RNF8: variants seen among roughly 807,000 people sequenced by gnomAD.
RNF8 encodes the protein E3 ubiquitin-protein ligase RNF8.
A neutral mutation model predicts 59.3 loss-of-function variants in RNF8; 8 were observed. That is an observed-to-expected ratio of 0.13 (90% CI 0.08 to 0.24). The LOEUF is 0.24. Ranked by LOEUF, RNF8 falls within the 10% of genes least tolerant of loss-of-function variation. RNF8 has a pLI of 1.00. For synonymous variants in RNF8, 162 were observed against 200.0 expected (o/e 0.81, Z 1.60); for missense variants, 406 against 572.6 (o/e 0.71, Z 2.97).
At chr6:37,369,254 A>G in intron 3 of RNF8, 36 bp downstream of exon 3, 2 of 1,548,796 alleles carry the variant, frequency 1.3e-6, no homozygotes, top group East Asian at 2.3e-5. Flanking sequence ...AGTGGTCTTC[A>G]GGGGTGGGGC....
chr6:37,365,849 T>G (rs752571995), intron 2 of RNF8, among the ~76,000 whole-genome samples: 4 of 152,186 alleles, frequency 2.6e-5, no homozygotes, highest in Non-Finnish European at 4.4e-5. Flanking sequence ...TGGCAGTACT[T>G]GATTGTTCTG....
At chr6:37,371,697 C>T in intron 4 of RNF8, 123 bp downstream of exon 4, 1 of 700,090 alleles carries the variant, frequency 1.4e-6, no homozygotes, top group Non-Finnish European at 2.5e-6. Context: ...AGTCTGTAAA[C>T]AGAGCAGGTG....
At chr6:37,380,833 C>G (rs1159058974) in intron 6 of RNF8, among the ~76,000 whole-genome samples, 2 of 151,988 alleles carry the variant, frequency 1.3e-5, no homozygotes, top group African/African-American at 4.8e-5. Context: ...CAGGTGTGCA[C>G]CACTGTGACT....
intron 2 of RNF8, among the ~76,000 whole-genome samples, chr6:37,363,955 G>A (rs983334036): frequency 1.8e-4 from 28 of 152,202 alleles, no homozygotes; most frequent in Non-Finnish European, 2.8e-4. Context: ...CGAGGCGGGC[G>A]GATCACGAGG....
At chr6:37,356,065 G>T (rs1359728724) in intron 1 of RNF8, among the ~76,000 whole-genome samples, 2 of 152,172 alleles carry the variant, frequency 1.3e-5, no homozygotes, top group Admixed American at 1.3e-4. Flanking sequence ...TCTTGGGCAG[G>T]TGGGATGGGG....
At chr6:37,358,819 G>A (rs151269837) in intron 1 of RNF8, among the ~76,000 whole-genome samples, 55 of 152,234 alleles carry the variant, frequency 3.6e-4, no homozygotes, top group Non-Finnish European at 6.0e-4. Flanking sequence ...GCAGGGAGCC[G>A]GGCGCGGTGG....
intron 3 of RNF8, among the ~76,000 whole-genome samples, 189 bp downstream of exon 3, chr6:37,369,407 A>G (rs1299394153): frequency 1.3e-5 from 2 of 152,226 alleles, no homozygotes; most frequent in Non-Finnish European, 2.9e-5. Context: ...AGGCTTCAGC[A>G]TGCTGATGAG....
chr6:37,354,932 C>G (rs1184184962), intron 1 of RNF8, among the ~76,000 whole-genome samples: 1 of 152,214 alleles, frequency 6.6e-6, no homozygotes, highest in African/African-American at 2.4e-5. Context: ...CTTCCTCCTT[C>G]CCAACTCTGA....
intron 2 of RNF8, among the ~76,000 whole-genome samples, chr6:37,364,377 G>A (rs996529484): frequency 6.6e-6 from 1 of 151,876 alleles, no homozygotes; most frequent in Non-Finnish European, 1.5e-5. Context: ...GATAATGTGG[G>A]GTTTGTTTTG....
At chr6:37,382,017 G>T (rs1311750048) in intron 7 of RNF8, among the ~76,000 whole-genome samples, 1 of 152,166 alleles carries the variant, frequency 6.6e-6, no homozygotes, top group East Asian at 1.9e-4. Flanking sequence ...AGCCCCCACA[G>T]ATTTTCACTT....
rs919206860 is a variant in RNF8 at position 37,392,151 on chromosome 6, T to C, written c.*1393T>C. On this transcript the variant is annotated 3_prime_UTR_variant, in exon 8 of 8. Transcript: ENST00000373479. The stretch of plus-strand genomic sequence containing the variant: ...GGAAGTAAGTTAAATGTGGAAAAAA[T>C]GCTTTAAAAGTACTTACTATAACCA... The C allele has an allele frequency of 3.8e-6, 1 of 259,890 alleles. No homozygotes were observed. Among genetic ancestry groups the C allele is most frequent in the East Asian group, 7.0e-5 (1 of 14,192 alleles). The allele number at this position is 259,890 out of a possible 1,614,324, so 16.1% of individuals were successfully genotyped here.
At chr6:37,363,322 T>C (rs1160833824) in intron 2 of RNF8, among the ~76,000 whole-genome samples, 1 of 152,202 alleles carries the variant, frequency 6.6e-6, no homozygotes, top group African/African-American at 2.4e-5. Flanking sequence ...AATAAAAGCG[T>C]TCATTCGTCA....
intron 7 of RNF8, among the ~76,000 whole-genome samples, chr6:37,383,838 T>A (rs1014288473): frequency 4.0e-5 from 6 of 151,896 alleles, no homozygotes; most frequent in Non-Finnish European, 7.3e-5. Context: ...AGATTTTTTC[T>A]GAATGGAAAA....
chr6:37,364,052 G>A (rs1346505724), intron 2 of RNF8, among the ~76,000 whole-genome samples: 3 of 151,984 alleles, frequency 2.0e-5, no homozygotes, highest in African/African-American at 7.3e-5. Context: ...GGTGGCGGGT[G>A]CCTGTGGTCC....
At chr6:37,359,104 A>C (rs780448174) in intron 1 of RNF8, 6 of 410,652 alleles carry the variant, frequency 1.5e-5, no homozygotes, top group Non-Finnish European at 2.4e-5. Flanking sequence ...AAAAAAACAA[A>C]AAAAAATTAA....
At chr6:37,361,832 T>C (rs980791840) in intron 2 of RNF8, among the ~76,000 whole-genome samples, 2 of 152,198 alleles carry the variant, frequency 1.3e-5, no homozygotes, top group African/African-American at 4.8e-5. Context: ...TTCAGCACTT[T>C]TAGCAAGGCA....
intron 6 of RNF8, 46 bp downstream of exon 6, chr6:37,377,079 TTTTTTTTTTTG>T (rs1770051959): frequency 8.5e-7 from 1 of 1,169,914 alleles, no homozygotes; most frequent in South Asian, 1.4e-5. Flanking sequence ...TTTTTTTTTT[TTTTTTTTTTTG>T]AGACAGAGTC....
intron 1 of RNF8, among the ~76,000 whole-genome samples, chr6:37,358,011 T>C (rs1033455894): frequency 1.3e-5 from 2 of 152,086 alleles, no homozygotes; most frequent in Non-Finnish European, 2.9e-5. Flanking sequence ...ACTGAAGAAA[T>C]ATGATGGGAA....
chr6:37,362,616 C>T (rs1047103441), intron 2 of RNF8, among the ~76,000 whole-genome samples: 2 of 152,206 alleles, frequency 1.3e-5, no homozygotes, highest in African/African-American at 4.8e-5. Flanking sequence ...TACAGATGCC[C>T]CCTTTCTGGC....
Sources: allele counts gnomAD v4.1 joint callset (sites outside exome capture counted in the v4.1 genomes callset), GRCh38; gene constraint gnomAD v4.1.1; transcripts MANE v1.5; gene names NCBI Gene and HGNC (gene_info 2026-07-23, HGNC 2026-07-21).